The following SORBS2 variants were observed in gnomAD, a reference collection of about 807,000 sequenced individuals.
SORBS2 encodes the protein sorbin and SH3 domain-containing protein 2.
In SORBS2, 46 loss-of-function variants were observed where a neutral mutation model predicts 97.7. That is an observed-to-expected ratio of 0.47 (90% confidence interval 0.37 to 0.60). SORBS2 has a LOEUF of 0.60. Among genes scored for constraint, SORBS2 ranks in the 20% least tolerant of loss-of-function variants. The pLI is 0.00. For synonymous variants in SORBS2, 476 were observed against 473.4 expected, an observed-to-expected ratio of 1.01 and a Z score of -0.07; for missense variants, 1,316 against 1,282.3, an observed-to-expected ratio of 1.03 and a Z score of -0.40.
intron 4 of SORBS2, among the ~76,000 whole-genome samples, chr4:185,644,804 CTT>C (rs1010256258): frequency 2.0e-5 from 3 of 152,196 alleles, no homozygotes; most frequent in Admixed American, 6.5e-5. Flanking sequence ...TCTTTAAAGT[CTT>C]TTTTAACCCA....
At chr4:185,801,077 ACT>A (rs1462520257) in intron 1 of SORBS2, among the ~76,000 whole-genome samples, 11 of 151,932 alleles carry the variant, frequency 7.2e-5, no homozygotes, top group African/African-American at 2.2e-4. Flanking sequence ...CCACCATTCG[ACT>A]CTGTTTCTAT....
chr4:185,674,045 C>G (rs2097758920), intron 4 of SORBS2, among the ~76,000 whole-genome samples: 1 of 152,156 alleles, frequency 6.6e-6, no homozygotes, highest in African/African-American at 2.4e-5. Flanking sequence ...CTGTCCTTCC[C>G]CTGCTGATCT....
At chr4:185,897,700 C>T (rs548230505) in intron 1 of SORBS2, among the ~76,000 whole-genome samples, 4 of 152,246 alleles carry the variant, frequency 2.6e-5, no homozygotes, top group African/African-American at 9.6e-5. Context: ...TCACGGAACA[C>T]AGATGGCTAA....
chr4:185,811,342 G>A (rs2099183367), intron 1 of SORBS2, among the ~76,000 whole-genome samples: 1 of 152,180 alleles, frequency 6.6e-6, no homozygotes, highest in Admixed American at 6.5e-5. Flanking sequence ...AGAATCCATT[G>A]TTCACAAGCG....
chr4:185,910,301 G>A (rs1277764124), intron 1 of SORBS2, among the ~76,000 whole-genome samples: 1 of 152,144 alleles, frequency 6.6e-6, no homozygotes, highest in Non-Finnish European at 1.5e-5. Context: ...TTTTCAATGC[G>A]TTTCCTGTGT....
intron 2 of SORBS2, among the ~76,000 whole-genome samples, chr4:185,766,551 G>A (rs2098935234): frequency 6.6e-6 from 1 of 152,114 alleles, no homozygotes; most frequent in Admixed American, 6.5e-5. Context: ...ATACCCATCT[G>A]TAACTTTTCA....
chr4:185,620,733 C>T (rs10030246), intron 7 of SORBS2, among the ~76,000 whole-genome samples: 48,886 of 151,982 alleles, frequency 0.32, 8,985 homozygotes, highest in African/African-American at 0.51. Context: ...TATTGAATCT[C>T]AAGATGCCAT....
At chr4:185,716,086 G>A (rs948554128) in intron 2 of SORBS2, among the ~76,000 whole-genome samples, 2 of 152,212 alleles carry the variant, frequency 1.3e-5, no homozygotes, top group Non-Finnish European at 2.9e-5. Flanking sequence ...CATAGAAAAA[G>A]TATTTCATAA....
At chr4:185,611,802 A>G in exon 12 of SORBS2, 1 of 1,614,054 alleles carries the variant, frequency 6.2e-7, no homozygotes, top group Admixed American at 1.7e-5. Context: ...CAAGCTGTGA[A>G]TCCTATCACT....
chr4:185,831,744 T>A (rs1313739136), intron 1 of SORBS2, among the ~76,000 whole-genome samples: 4 of 152,220 alleles, frequency 2.6e-5, no homozygotes, highest in African/African-American at 9.6e-5. Context: ...GACAGTTCTC[T>A]TGACTCCTAA....
chr4:185,691,370 T>C (rs762580379), intron 2 of SORBS2, among the ~76,000 whole-genome samples: 60 of 152,124 alleles, frequency 3.9e-4, no homozygotes, highest in Non-Finnish European at 5.9e-4. Flanking sequence ...TGGTTGAGTT[T>C]TCCTTTTAAA....
At chr4:185,798,150 T>A (rs1031026240) in intron 1 of SORBS2, among the ~76,000 whole-genome samples, 3 of 152,140 alleles carry the variant, frequency 2.0e-5, no homozygotes, top group African/African-American at 7.2e-5. Flanking sequence ...CCTGCTCACA[T>A]TTGTTTAGCA....
intron 2 of SORBS2, among the ~76,000 whole-genome samples, chr4:185,769,662 G>T (rs2098957931): frequency 6.6e-6 from 1 of 151,884 alleles, no homozygotes; most frequent in African/African-American, 2.4e-5. Flanking sequence ...GGCTAATTTT[G>T]TATTTTTAAT....
chr4:185,827,267 C>CCAT (rs1585258201), intron 1 of SORBS2, among the ~76,000 whole-genome samples: 1 of 27,526 alleles, frequency 3.6e-5, no homozygotes, highest in Non-Finnish European at 8.0e-5. Context: ...ACCATCATCA[C>CCAT]CATCATCACC....
chr4:185,662,144 T>A lies in SORBS2; in HGVS notation c.54A>T (p.Ser18=), dbSNP rs201078457. 1.2e-5 allele frequency: 20 copies of A among 1,614,102 alleles called. No homozygotes were observed. The East Asian group carries it at 4.2e-4, about 34-fold the overall frequency. The change falls in exon 5 of 21, where the codon TCA becomes TCT. Residue 18 remains serine, a synonymous_variant. Coordinates refer to the SORBS2 transcript ENST00000284776. ...GCTGCATGACAATGCTGGAGTTGAGTGAGGCTGGGAGAGAATATGCCGAGG... is the reference window on the plus strand; with the variant it reads ...GCTGCATGACAATGCTGGAGTTGAGAGAGGCTGGGAGAGAATATGCCGAGG...
At chr4:185,710,453 G>C (rs536828331) in intron 2 of SORBS2, among the ~76,000 whole-genome samples, 1 of 152,194 alleles carries the variant, frequency 6.6e-6, no homozygotes, top group Non-Finnish European at 1.5e-5. Context: ...AAAGGGAATT[G>C]CTCTGTTCTC....
intron 4 of SORBS2, among the ~76,000 whole-genome samples, chr4:185,666,468 T>TGGCATAACG (rs2097601470): frequency 6.6e-6 from 1 of 152,204 alleles, no homozygotes; most frequent in East Asian, 1.9e-4. Context: ...TTGAGAGTGT[T>TGGCATAACG]GGCATAACGA....
At chr4:185,774,889 CT>C (rs900018727) in intron 2 of SORBS2, 28 of 149,610 alleles carry the variant, frequency 1.9e-4, no homozygotes, top group Admixed American at 1.9e-3. Context: ...TTTAATGCCC[CT>C]GGAAAGTTAA....
chr4:185,762,337 C>G (rs1437365047), intron 2 of SORBS2, among the ~76,000 whole-genome samples: 2 of 152,162 alleles, frequency 1.3e-5, no homozygotes, highest in African/African-American at 4.8e-5. Flanking sequence ...AGGGAATGTT[C>G]ACCAGCTTCT....
Sources: gnomAD v4.1 joint callset for allele counts (sites outside exome capture counted in the v4.1 genomes callset) on GRCh38, gnomAD v4.1.1 for gene constraint, MANE v1.5 for transcripts, NCBI Gene and HGNC (gene_info 2026-07-23, HGNC 2026-07-21) for gene names.